The following RBFOX1 variants were observed in gnomAD, a reference collection of about 807,000 sequenced individuals.
The protein encoded by RBFOX1 is RNA binding fox-1 homolog 1.
A neutral mutation model predicts 57.7 loss-of-function variants in RBFOX1; 8 were observed. That is an observed-to-expected ratio of 0.14 (90% CI 0.08 to 0.25). The LOEUF is 0.25. Ranked by LOEUF, RBFOX1 falls within the 10% of genes least tolerant of loss-of-function variation. The probability of loss-of-function intolerance (pLI) is 1.00; values close to 1 mark genes in which losing one functional copy is unlikely to be tolerated. For synonymous variants in RBFOX1, 326 were observed against 222.4 expected (o/e 1.47, Z -4.15); for missense variants, 611 against 548.5 (o/e 1.11, Z -1.14).
At position 7,443,967 on chromosome 16, in the gene RBFOX1, A is replaced by C. The variant is rs113646267; in HGVS notation, c.28-74180A>C. ...TCTCTGGGAGAAACCAAAGCTGTAC[A>C]TATTTATCTTCAAGAGAAACTTCCA... is the stretch of plus-strand genomic sequence containing the variant. On this transcript the variant is annotated intron_variant, in intron 4 of 15. Coordinates refer to ENST00000550418, the MANE Select transcript of RBFOX1 (RefSeq NM_018723.4). 4.7e-3 allele frequency among the ~76,000 whole-genome samples: 720 copies of C among 152,296 alleles called. 4 individuals are homozygous for C. Among genetic ancestry groups the C allele is most frequent in the African/African-American group, 0.016 (661 of 41,552 alleles).
At chr16:7,202,762 G>A (rs1413389671) in intron 4 of RBFOX1, among the ~76,000 whole-genome samples, 1 of 152,174 alleles carries the variant, frequency 6.6e-6, no homozygotes, top group Non-Finnish European at 1.5e-5. Flanking sequence ...CTGATGATCT[G>A]AAGTGGGACA....
intron 3 of RBFOX1, among the ~76,000 whole-genome samples, chr16:6,708,185 A>G (rs1292677170): frequency 2.0e-5 from 3 of 152,016 alleles, no homozygotes; most frequent in African/African-American, 7.2e-5. Flanking sequence ...CTTGTTTCTT[A>G]TTAAGCCCCC....
intron 2 of RBFOX1, among the ~76,000 whole-genome samples, chr16:6,556,683 C>G (rs74005284): frequency 0.073 from 11,100 of 152,116 alleles, 935 homozygotes; most frequent in African/African-American, 0.21. Flanking sequence ...GTTATAATCA[C>G]ATGATATAGA....
chr16:6,351,348 GTGTGTA>G (rs1162130795), intron 2 of RBFOX1, among the ~76,000 whole-genome samples: 5 of 97,014 alleles, frequency 5.2e-5, no homozygotes, highest in African/African-American at 3.3e-4. Flanking sequence ...GTGTGTGTGT[GTGTGTA>G]TATATATATA....
intron 2 of RBFOX1, among the ~76,000 whole-genome samples, chr16:6,325,500 A>T (rs1293702970): frequency 6.6e-6 from 1 of 152,208 alleles, no homozygotes; most frequent in Non-Finnish European, 1.5e-5. Flanking sequence ...AACAGTAATG[A>T]TATTTCTGCT....
At position 6,685,810 on chromosome 16, in the gene RBFOX1, T is replaced by A. The variant is rs567364118; in HGVS notation, c.-16+31160T>A. Reference sequence around the variant, plus strand: ...TTAACAAACAGCCTTCACTCAATGTTGTTTTCATTATGTCATGAAAGTGTT... The same window carrying A: ...TTAACAAACAGCCTTCACTCAATGTAGTTTTCATTATGTCATGAAAGTGTT... On this transcript the variant is annotated intron_variant, in intron 3 of 15. Coordinates refer to ENST00000550418, the MANE Select transcript of RBFOX1 (RefSeq NM_018723.4). Among the ~76,000 whole-genome samples, 15 of 152,306 alleles carry A rather than the reference T, an allele frequency of 9.8e-5. 1 individual carries two copies. In the South Asian group the frequency reaches 3.1e-3, roughly 32 times the overall value.
intron 4 of RBFOX1, among the ~76,000 whole-genome samples, chr16:5,980,780 T>A (rs1181991525): frequency 6.6e-6 from 1 of 152,126 alleles, no homozygotes; most frequent in Non-Finnish European, 1.5e-5. Context: ...GTTTAATGCC[T>A]CTTAAATCCT....
intron 1 of RBFOX1, among the ~76,000 whole-genome samples, chr16:5,326,708 C>G (rs774474606): frequency 6.6e-6 from 1 of 152,140 alleles, no homozygotes; most frequent in Admixed American, 6.5e-5. Context: ...CATTTTTAAG[C>G]GGTGGCTGTT....
chr16:7,073,001 G>A (rs893517937), intron 4 of RBFOX1, among the ~76,000 whole-genome samples: 1 of 152,192 alleles, frequency 6.6e-6, no homozygotes, highest in Non-Finnish European at 1.5e-5. Context: ...TATGTGCAGG[G>A]TCAGGCTTTG....
chr16:6,982,483 C>G (rs560849776), intron 3 of RBFOX1, among the ~76,000 whole-genome samples: 1 of 152,118 alleles, frequency 6.6e-6, no homozygotes, highest in African/African-American at 2.4e-5. Flanking sequence ...TCATGAGAGT[C>G]GTTGACGAGG....
At chr16:6,359,797 A>G (rs1440586731) in intron 2 of RBFOX1, among the ~76,000 whole-genome samples, 2 of 152,178 alleles carry the variant, frequency 1.3e-5, no homozygotes, top group Non-Finnish European at 2.9e-5. Context: ...GCGACCTGGC[A>G]TCATCTAAGT....
intron 2 of RBFOX1, among the ~76,000 whole-genome samples, chr16:6,586,844 G>C (rs1298707991): frequency 6.6e-6 from 1 of 151,996 alleles, no homozygotes; most frequent in African/African-American, 2.4e-5. Context: ...TAGGAGAAAG[G>C]GAAAAGGTTT....
chr16:6,994,627 C>T (rs1036217347), intron 3 of RBFOX1, among the ~76,000 whole-genome samples: 3 of 152,164 alleles, frequency 2.0e-5, no homozygotes, highest in Admixed American at 6.5e-5. Flanking sequence ...GTTTTGATTA[C>T]ATCAATAATT....
intron 1 of RBFOX1, among the ~76,000 whole-genome samples, chr16:6,205,686 G>T (rs2152838044): frequency 6.6e-6 from 1 of 151,968 alleles, no homozygotes; most frequent in Middle Eastern, 3.4e-3. Flanking sequence ...ACACATCACT[G>T]ATAGGCACTC....
At chr16:7,290,593 T>A (rs370262254) in intron 4 of RBFOX1, among the ~76,000 whole-genome samples, 4 of 152,198 alleles carry the variant, frequency 2.6e-5, no homozygotes, top group Middle Eastern at 3.2e-3. Flanking sequence ...AGAGGACTAA[T>A]ATTTTCATTT....
intron 2 of RBFOX1, among the ~76,000 whole-genome samples, chr16:6,649,002 TACA>T (rs574246741): frequency 1.2e-3 from 181 of 152,288 alleles, no homozygotes; most frequent in African/African-American, 4.0e-3. Context: ...TTTTCAAGAT[TACA>T]ACATGTTGTG....
intron 4 of RBFOX1, among the ~76,000 whole-genome samples, chr16:5,998,386 G>A (rs1407430928): frequency 6.6e-6 from 1 of 152,188 alleles, no homozygotes; most frequent in African/African-American, 2.4e-5. Flanking sequence ...AATAGAGTGA[G>A]GAATTATCAA....
chr16:6,534,450 C>G (rs1412943683), intron 2 of RBFOX1, among the ~76,000 whole-genome samples: 2 of 152,088 alleles, frequency 1.3e-5, no homozygotes, highest in Non-Finnish European at 2.9e-5. Flanking sequence ...AGTTTCTACC[C>G]AAAGACTTCA....
At chr16:6,445,963 A>T (rs987188805) in intron 2 of RBFOX1, among the ~76,000 whole-genome samples, 5 of 101,250 alleles carry the variant, frequency 4.9e-5, no homozygotes, top group African/African-American at 2.1e-4. Context: ...TCACTTTTTT[A>T]AATTTTTTTT....
Sources: allele counts gnomAD v4.1 joint callset (sites outside exome capture counted in the v4.1 genomes callset), GRCh38; gene constraint gnomAD v4.1.1; transcripts MANE v1.5; gene names NCBI Gene and HGNC (gene_info 2026-07-23, HGNC 2026-07-21).